Variants in UCK1 observed in about 807,000 individuals in gnomAD.
UCK1 encodes cytidine monophosphokinase 1.
A neutral mutation model predicts 34.0 loss-of-function variants in UCK1; 20 were observed. That is an observed-to-expected ratio of 0.59 (90% CI 0.41 to 0.86). The LOEUF (loss-of-function observed/expected upper bound fraction) is 0.86. Among genes scored for constraint, UCK1 ranks in the 40% least tolerant of loss-of-function variants. The pLI is 0.00. For missense variants in UCK1, 343 were observed against 383.6 expected, an observed-to-expected ratio of 0.89 and a Z score of 0.88; for synonymous variants, 168 against 155.9, an observed-to-expected ratio of 1.08 and a Z score of -0.58.
At chr9:131,525,381 G>T (rs1174136593) in intron 6 of UCK1, among the ~76,000 whole-genome samples, 160 bp from the exon 7 acceptor site, 3 of 152,248 alleles carry the variant, frequency 2.0e-5, no homozygotes, top group Middle Eastern at 3.2e-3. Flanking sequence ...ACAGAAACAT[G>T]CATCAGGACA....
chr9:131,526,557 G>T, intron 5 of UCK1: 1 of 1,280,216 alleles, frequency 7.8e-7, no homozygotes, highest in Non-Finnish European at 1.0e-6. Context: ...GGCTGCTGGG[G>T]AGGGTCCGCA....
rs763478208 is a variant in UCK1, at chr9:131,525,996, G to C, written c.604-19C>G. Reference sequence around the variant, plus strand: ...TCTTTGTCTGTAAGGCACAAGGGGGGGTGTTCCTGTGAGGACTTTTCCTTC... The same window carrying C: ...TCTTTGTCTGTAAGGCACAAGGGGGCGTGTTCCTGTGAGGACTTTTCCTTC... On this transcript the variant is annotated intron_variant, in intron 5 of 6. Transcript: ENST00000372215. 2 of 1,613,618 alleles carry C rather than the reference G, an allele frequency of 1.2e-6. No individual in the cohort carries two copies. The highest frequency in any genetic ancestry group is 1.7e-5 in the Admixed American group (1 of 59,920).
chr9:131,525,016 C>G lies in UCK1; in HGVS notation c.*24G>C. On this transcript the variant is annotated 3_prime_UTR_variant, in exon 7 of 7. Coordinates refer to ENST00000372215, the MANE Select transcript of UCK1 (RefSeq NM_031432.5). ...CTGAACACACATGCCGGGCGGGAGACCTGCCCTGAGGCTCGGCAGCCCCTC... is the reference window on the plus strand; with the variant it reads ...CTGAACACACATGCCGGGCGGGAGAGCTGCCCTGAGGCTCGGCAGCCCCTC... The G allele has an allele frequency of 6.2e-7, 1 of 1,600,922 alleles. No individual in the cohort carries two copies. The highest frequency in any genetic ancestry group is 1.1e-5 in the South Asian group (1 of 90,580).
intron 6 of UCK1, among the ~76,000 whole-genome samples, chr9:131,525,497 GA>G (rs1373548621): frequency 6.6e-6 from 1 of 152,164 alleles, no homozygotes; most frequent in African/African-American, 2.4e-5. Flanking sequence ...TATGTTTTAA[GA>G]AACAGGTTCT....
At chr9:131,526,135 C>A in intron 5 of UCK1, 158 bp from the exon 6 acceptor site, 1 of 858,710 alleles carries the variant, frequency 1.2e-6, no homozygotes, top group East Asian at 2.5e-5. Flanking sequence ...AGTCATCAGC[C>A]AGGTGTGAGA....
At chr9:131,530,390 G>C in intron 2 of UCK1, 96 bp downstream of exon 2, 2 of 1,454,288 alleles carry the variant, frequency 1.4e-6, no homozygotes, top group Non-Finnish European at 1.9e-6. Context: ...AGCCCAAGCG[G>C]GTCTGCATCC....
At chr9:131,529,642 G>A in intron 2 of UCK1, 58 bp from the exon 3 acceptor site, 1 of 1,515,340 alleles carries the variant, frequency 6.6e-7, no homozygotes, top group Non-Finnish European at 9.1e-7. Context: ...CGGACAGCAG[G>A]GAACCCTCTC....
intron 5 of UCK1, 103 bp downstream of exon 5, chr9:131,528,841 C>A: frequency 7.2e-7 from 1 of 1,396,848 alleles, no homozygotes. Context: ...TCCTTTTTTT[C>A]AATCAGATCA....
Position 131,530,490 on chromosome 9 carries a change from A to G in UCK1, c.264T>C (p.His88=), listed in dbSNP as rs2131991101. The change falls in exon 2 of 7, where the codon CAT becomes CAC. Residue 88 remains histidine (H), a synonymous_variant. Transcript: ENST00000372215. ...ATCGTTGGGCTCGCGATTTACCTGG[A>G]TGGTCAAAATTGTACTGTCCTTTCA... The part of the protein sequence containing the change: ...KALKGQYNFD[H]PDAFDNDLMH... 1 of 1,613,966 alleles carries G rather than the reference A, an allele frequency of 6.2e-7. No individual in the cohort carries two copies. The highest frequency in any genetic ancestry group is 8.5e-7 in the Non-Finnish European group (1 of 1,179,826).
In UCK1 at chr9:131,530,932, C is replaced by A. The variant is rs538527851; in HGVS notation, c.108+135G>T. ...CCAGCCCGCCCCGGCCCATCGCGGC[C>A]TGCAGCCCCTTCGCTCCCGCGCCCT... On this transcript the variant is annotated intron_variant, in intron 1 of 6. Transcript: ENST00000372215. 78 of 974,430 alleles carry A rather than the reference C, an allele frequency of 8.0e-5. No homozygotes were observed. In the African/African-American group the frequency reaches 1.3e-3, roughly 16 times the overall value. The allele number at this position is 974,430 out of a possible 1,614,324, so 60.4% of individuals were successfully genotyped here. A position where few individuals can be genotyped will look rare whatever the true frequency, so the allele number is the denominator to read the frequency against.
In UCK1 at chr9:131,525,188, T is replaced by C; in HGVS notation, c.686A>G (p.Asp229Gly). ...AINLIVQHIQDILNGDICKWH... is the reference protein window; with the variant it reads ...AINLIVQHIQGILNGDICKWH... The stretch of plus-strand genomic sequence containing the variant: ...TTTGCAGATGTCACCATTCAGAATG[T>C]CCTGGATGTGCTGCACGATCAGGTT... Residue 229 changes from aspartate (D) to glycine (G), a missense_variant, in exon 7 of 7, where the codon GAC becomes GGC. Physicochemically the swap from Asp to Gly is moderately conservative, Grantham distance 94. Coordinates refer to ENST00000372215, the MANE Select transcript of UCK1 (RefSeq NM_031432.5). The C allele has an allele frequency of 6.2e-7, 1 of 1,614,114 alleles. No individual in the cohort carries two copies. Among genetic ancestry groups the C allele is most frequent in the Non-Finnish European group, 8.5e-7 (1 of 1,180,044 alleles).
At chr9:131,530,748 G>C in intron 1 of UCK1, 103 bp from the exon 2 acceptor site, 1 of 1,599,662 alleles carries the variant, frequency 6.3e-7, no homozygotes, top group East Asian at 2.2e-5. Context: ...TGGGGGGTAT[G>C]CTCGGAAGGC....
Position 131,528,968 on chromosome 9 carries a change from C to A in UCK1, c.579G>T (p.Pro193=). The change falls in exon 5 of 7, where the codon CCG becomes CCT. Residue 193 remains proline (P), a synonymous_variant. Transcript: ENST00000372215. The stretch of plus-strand genomic sequence containing the variant: ...CCGGCAGGCAGAACTCCTCGAAGGC[C>A]GGCTTCACGAAGGTGGTGTACTGCG... The part of the protein sequence containing the change: ...ILTQYTTFVK[P]AFEEFCLPTK... The A allele has an allele frequency of 1.2e-6, 2 of 1,614,102 alleles. No homozygotes were observed. The highest frequency in any genetic ancestry group is 8.5e-7 in the Non-Finnish European group (1 of 1,180,014).
rs749191717 is a variant in UCK1 at position 131,525,974 on chromosome 9, TTGTC to T, written c.604-1_606del. Reference sequence around the variant, plus strand: ...GGGATGATCACATCGGCATACTTCTTTGTCTGTAAGGCACAAGGGGGGGTGTTCC... The same window carrying T: ...GGGATGATCACATCGGCATACTTCTTTGTAAGGCACAAGGGGGGGTGTTCC... On this transcript the variant is annotated splice_acceptor_variant and coding_sequence_variant, in exon 6 of 7. Coordinates refer to ENST00000372215, the MANE Select transcript of UCK1 (RefSeq NM_031432.5). LOFTEE classifies it high-confidence loss of function. 21 of 1,613,958 alleles carry T rather than the reference TTGTC, an allele frequency of 1.3e-5. No individual in the cohort carries two copies. Among genetic ancestry groups the T allele is most frequent in the Admixed American group, 1.7e-5 (1 of 59,982 alleles).
chr9:131,529,690 G>A (rs756250618), intron 2 of UCK1, 106 bp from the exon 3 acceptor site: 22 of 966,466 alleles, frequency 2.3e-5, no homozygotes, highest in Non-Finnish European at 3.1e-5. Context: ...TGGGGACACC[G>A]AGAACCCTAG....
Position 131,531,199 on chromosome 9 carries a change from G to C in UCK1, c.-25C>G. 7.3e-7 allele frequency: 1 copy of C among 1,378,696 alleles called. No homozygotes were observed. 85.4% of individuals were successfully genotyped at this position (1,378,696 alleles called of 1,614,324 possible). On this transcript the variant is annotated 5_prime_UTR_variant, in exon 1 of 7. Transcript: ENST00000372215. The stretch of plus-strand genomic sequence containing the variant: ...TCTCGGCCTCCGCTCCCGCGCATCG[G>C]GTCCCCGCGCCCGCCCCTTCCCCAG...
In UCK1 at chr9:131,530,617, A is replaced by G. The variant is rs745543390; in HGVS notation, c.137T>C (p.Leu46Ser). 4.3e-6 allele frequency: 7 copies of G among 1,614,236 alleles called. No individual in the cohort carries two copies. In the East Asian group the frequency reaches 1.3e-4, roughly 31 times the overall value. The part of the protein sequence containing the change: ...KSTVCEKIME[L>S]LGQNEVEQRQ... Reference sequence around the variant, plus strand: ...CTGTTCCACCTCGTTCTGTCCCAGCAACTCCATGATCTTCTCACACACGGT... The same window carrying G: ...CTGTTCCACCTCGTTCTGTCCCAGCGACTCCATGATCTTCTCACACACGGT... The change falls in exon 2 of 7, where the codon TTG becomes TCG. Residue 46 changes from leucine (L) to serine (S), a missense_variant. By Grantham distance (145) the Leu-to-Ser change is moderately radical. Coordinates refer to ENST00000372215, the MANE Select transcript of UCK1 (RefSeq NM_031432.5).
chr9:131,530,791 C>G, intron 1 of UCK1, 146 bp from the exon 2 acceptor site: 1 of 1,439,906 alleles, frequency 6.9e-7, no homozygotes, highest in Non-Finnish European at 9.5e-7. Context: ...ATGGTCTCAG[C>G]GGAAGGGCCG....
At position 131,531,087 on chromosome 9, in the gene UCK1, C is replaced by T; in HGVS notation, c.88G>A (p.Gly30Ser). 3 of 1,430,444 alleles carry T rather than the reference C, an allele frequency of 2.1e-6. No homozygotes were observed. Among genetic ancestry groups the T allele is most frequent in the Non-Finnish European group, 2.7e-6 (3 of 1,094,292 alleles). The allele number at this position is 1,430,444 out of a possible 1,614,324, so 88.6% of individuals were successfully genotyped here. ...CTTACCTTCCCGCTGGCAGTGCCGC[C>T]GCTCACCCCTATCAGGAAGGGCCGC... ...HQRPFLIGVS[G>S]GTASGKSTVC... The change falls in exon 1 of 7, where the codon GGC becomes AGC. Residue 30 changes from glycine (G) to serine (S), a missense_variant. Coordinates refer to ENST00000372215, the MANE Select transcript of UCK1 (RefSeq NM_031432.5).
Sources: gnomAD v4.1 joint callset for allele counts (sites outside exome capture counted in the v4.1 genomes callset) on GRCh38, gnomAD v4.1.1 for gene constraint, MANE v1.5 for transcripts, NCBI Gene and HGNC (gene_info 2026-07-23, HGNC 2026-07-21) for gene names.